TTC28: variants seen among roughly 807,000 people sequenced by gnomAD.
TTC28 encodes tetratricopeptide repeat protein 28.
Under a neutral mutation model 198.0 loss-of-function variants are expected in TTC28, and 61 were observed. The ratio of observed to expected loss-of-function variants is 0.31; its 90% CI spans 0.25 to 0.38. TTC28 has a LOEUF of 0.38. Ranked by LOEUF, TTC28 falls within the 10% of genes least tolerant of loss-of-function variation. The probability of loss-of-function intolerance (pLI) is 1.00; values close to 1 mark genes in which losing one functional copy is unlikely to be tolerated. For synonymous variants in TTC28, 1,171 were observed against 1,297.8 expected, an observed-to-expected ratio of 0.90 and a Z score of 2.10; for missense variants, 2,678 against 3,164.0, an observed-to-expected ratio of 0.85 and a Z score of 3.69.
At chr22:28,067,926 C>A (rs1202392315) in intron 12 of TTC28, among the ~76,000 whole-genome samples, 2 of 152,174 alleles carry the variant, frequency 1.3e-5, no homozygotes, top group Non-Finnish European at 2.9e-5. Flanking sequence ...CTGGAATCTA[C>A]GTGCCTAAGC....
intron 2 of TTC28, among the ~76,000 whole-genome samples, chr22:28,602,728 AAGTAT>A (rs1255206111): frequency 7.2e-5 from 11 of 152,218 alleles, no homozygotes; most frequent in Admixed American, 1.3e-4. Context: ...TTTGACAATG[AAGTAT>A]AGTATATTTT....
chr22:28,596,987 T>G (rs1406008181), intron 2 of TTC28, among the ~76,000 whole-genome samples: 4 of 152,214 alleles, frequency 2.6e-5, no homozygotes, highest in Non-Finnish European at 4.4e-5. Context: ...GTCAGGTTCA[T>G]ATTTCACCTG....
At chr22:28,032,205 A>AAAT (rs1569094776) in intron 12 of TTC28, among the ~76,000 whole-genome samples, 4 of 100,804 alleles carry the variant, frequency 4.0e-5, no homozygotes, top group Non-Finnish European at 6.3e-5. Context: ...ATATATATAA[A>AAAT]ATATATATAT....
intron 1 of TTC28, among the ~76,000 whole-genome samples, chr22:28,640,366 T>C (rs1229982746): frequency 6.9e-6 from 1 of 144,994 alleles, no homozygotes; most frequent in Non-Finnish European, 1.5e-5. Context: ...ACCCAAGAGG[T>C]CTGATACACA....
chr22:28,652,005 A>G (rs560959432), intron 1 of TTC28, among the ~76,000 whole-genome samples: 192 of 151,882 alleles, frequency 1.3e-3, no homozygotes, highest in African/African-American at 4.1e-3. Flanking sequence ...ACACCTGGCT[A>G]ATTTTTGTAT....
At chr22:28,296,976 A>G (rs1452483940) in intron 4 of TTC28, among the ~76,000 whole-genome samples, 1 of 152,196 alleles carries the variant, frequency 6.6e-6, no homozygotes, top group Non-Finnish European at 1.5e-5. Flanking sequence ...TCCTTCAACA[A>G]AATGATAACG....
chr22:28,185,630 T>C (rs1031519940), intron 5 of TTC28, among the ~76,000 whole-genome samples: 1 of 152,054 alleles, frequency 6.6e-6, no homozygotes, highest in African/African-American at 2.4e-5. Flanking sequence ...AAGGAAAAAA[T>C]TGTTGTAATT....
chr22:28,131,442 T>G (rs991183609), intron 6 of TTC28, among the ~76,000 whole-genome samples: 3 of 152,226 alleles, frequency 2.0e-5, no homozygotes, highest in African/African-American at 7.2e-5. Context: ...AACACACTTC[T>G]GTACACCGTA....
chr22:28,565,267 T>C (rs930426197), intron 2 of TTC28, among the ~76,000 whole-genome samples: 11 of 152,234 alleles, frequency 7.2e-5, no homozygotes, highest in Non-Finnish European at 1.3e-4. Flanking sequence ...CTACCCAAGT[T>C]TCCACATGAA....
chr22:28,174,077 G>A (rs1922934770), intron 5 of TTC28, among the ~76,000 whole-genome samples: 1 of 152,070 alleles, frequency 6.6e-6, no homozygotes, highest in Admixed American at 6.6e-5. Context: ...CAAAGTCCTA[G>A]ATTAACTACC....
At chr22:28,197,634 C>T (rs1002733098) in intron 5 of TTC28, among the ~76,000 whole-genome samples, 15 of 151,842 alleles carry the variant, frequency 9.9e-5, no homozygotes, top group South Asian at 6.2e-4. Context: ...GTCAAAAACA[C>T]GAAAATATTG....
At chr22:28,040,840 T>C (rs1290352640) in intron 12 of TTC28, among the ~76,000 whole-genome samples, 1 of 152,166 alleles carries the variant, frequency 6.6e-6, no homozygotes, top group African/African-American at 2.4e-5. Flanking sequence ...GAAAACCCCA[T>C]CGTCTCAGCC....
At chr22:28,114,321 C>G (rs1467370779) in intron 6 of TTC28, among the ~76,000 whole-genome samples, 1 of 152,168 alleles carries the variant, frequency 6.6e-6, no homozygotes, top group Non-Finnish European at 1.5e-5. Flanking sequence ...TTCCCTGAAC[C>G]CTCTCCTTCT....
intron 14 of TTC28, chr22:28,007,273 C>G (rs959744576): frequency 6.6e-6 from 1 of 152,090 alleles, no homozygotes; most frequent in East Asian, 1.9e-4. Context: ...CTGGGAAATC[C>G]TGTCATGATG....
At chr22:28,029,860 C>A (rs765195798) in intron 13 of TTC28, among the ~76,000 whole-genome samples, 6 of 152,158 alleles carry the variant, frequency 3.9e-5, no homozygotes, top group African/African-American at 7.2e-5. Context: ...GGTACCTGGC[C>A]CAGGAGTTAC....
intron 21 of TTC28, 37 bp downstream of exon 21, chr22:27,989,841 T>C: frequency 4.6e-6 from 7 of 1,531,266 alleles, no homozygotes; most frequent in Non-Finnish European, 6.2e-6. Flanking sequence ...AAAGATGGAA[T>C]TCAAGAACCC....
chr22:28,179,166 T>G (rs1024327831), intron 5 of TTC28, among the ~76,000 whole-genome samples: 4 of 109,138 alleles, frequency 3.7e-5, no homozygotes, highest in African/African-American at 1.9e-4. Context: ...TTTTGTTTTG[T>G]TTTTTTTTTT....
At chr22:28,519,628 C>T (rs2048860745) in intron 2 of TTC28, among the ~76,000 whole-genome samples, 1 of 152,198 alleles carries the variant, frequency 6.6e-6, no homozygotes, top group African/African-American at 2.4e-5. Context: ...ACTGTGCATG[C>T]CTGAGGACTT....
intron 9 of TTC28, among the ~76,000 whole-genome samples, chr22:28,100,851 C>T (rs1312730587): frequency 6.6e-6 from 1 of 152,160 alleles, no homozygotes; most frequent in Admixed American, 6.5e-5. Flanking sequence ...ATTAATATAT[C>T]TAGAAACATG....
Sources: gnomAD v4.1 joint callset for allele counts (sites outside exome capture counted in the v4.1 genomes callset) on GRCh38, gnomAD v4.1.1 for gene constraint, MANE v1.5 for transcripts, NCBI Gene and HGNC (gene_info 2026-07-23, HGNC 2026-07-21) for gene names.